C16orf74: variants seen among roughly 807,000 people sequenced by gnomAD.
The protein encoded by C16orf74 is uncharacterized protein C16orf74.
Under a neutral mutation model 6.5 loss-of-function variants are expected in C16orf74, and 10 were observed. That is an observed-to-expected ratio of 1.54 (90% CI 0.95 to 2.61). The LOEUF (loss-of-function observed/expected upper bound fraction) is 2.61. C16orf74 is among the 30% of genes most tolerant of loss of function. The probability of loss-of-function intolerance (pLI) is 0.00; values close to 1 mark genes in which losing one functional copy is unlikely to be tolerated. For synonymous variants in C16orf74, 60 were observed against 42.5 expected (o/e 1.41, Z -1.60); for missense variants, 141 against 105.9 (o/e 1.33, Z -1.45).
At chr16:85,736,291 G>A (rs2054243942) in intron 1 of C16orf74, among the ~76,000 whole-genome samples, 1 of 152,142 alleles carries the variant, frequency 6.6e-6, no homozygotes, top group Non-Finnish European at 1.5e-5. Context: ...GAGACCCCAG[G>A]CCTGGCCCTC....
intron 1 of C16orf74, among the ~76,000 whole-genome samples, chr16:85,747,499 A>G (rs1231059112): frequency 1.3e-5 from 2 of 152,088 alleles, no homozygotes; most frequent in African/African-American, 4.8e-5. Flanking sequence ...ACGGCTACCC[A>G]TAGGGAAACC....
At chr16:85,735,049 C>G (rs952650532) in intron 2 of C16orf74, 141 bp downstream of exon 2, 11 of 551,812 alleles carry the variant, frequency 2.0e-5, no homozygotes, top group Non-Finnish European at 3.0e-5. Flanking sequence ...TTTAGAGCAC[C>G]TGCTGTGTAC....
At chr16:85,732,288 T>C (rs1015181830) in intron 2 of C16orf74, among the ~76,000 whole-genome samples, 1 of 152,224 alleles carries the variant, frequency 6.6e-6, no homozygotes, top group African/African-American at 2.4e-5. Context: ...AGCCACCTAG[T>C]TTGGGGTCAT....
In C16orf74 at chr16:85,707,932, C is replaced by A. The variant is rs763126441; in HGVS notation, c.*76G>T. On this transcript the variant is annotated 3_prime_UTR_variant, in exon 4 of 4. Coordinates refer to ENST00000284245, the MANE Select transcript of C16orf74 (RefSeq NM_206967.3). ...TCCAGGGTATTCAGCACACCTGCTC[C>A]AGGCAGCCACGCCCCCGGACACCTG... 3.2e-5 allele frequency: 43 copies of A among 1,324,174 alleles called. No individual in the cohort carries two copies. The highest frequency in any genetic ancestry group is 4.4e-5 in the Non-Finnish European group (42 of 947,652). The allele number at this position is 1,324,174 out of a possible 1,614,324, so 82.0% of individuals were successfully genotyped here.
intron 1 of C16orf74, among the ~76,000 whole-genome samples, 194 bp from the exon 2 acceptor site, chr16:85,735,429 C>T (rs1052364909): frequency 2.0e-5 from 3 of 152,256 alleles, no homozygotes; most frequent in East Asian, 1.9e-4. Flanking sequence ...GAGTCTGTGA[C>T]GGTGGAAAAA....
intron 2 of C16orf74, among the ~76,000 whole-genome samples, chr16:85,712,288 C>A (rs1276153942): frequency 6.6e-6 from 1 of 152,202 alleles, no homozygotes; most frequent in African/African-American, 2.4e-5. Context: ...ATAAGCCACT[C>A]CTCAATTCCT....
chr16:85,721,322 TGCG>T (rs1036945949), intron 2 of C16orf74, among the ~76,000 whole-genome samples: 5 of 151,362 alleles, frequency 3.3e-5, no homozygotes, highest in African/African-American at 1.2e-4. Context: ...GGTCATTCTC[TGCG>T]GTGGGGCTGT....
chr16:85,718,172 C>T (rs867385175), intron 2 of C16orf74, among the ~76,000 whole-genome samples: 20 of 152,188 alleles, frequency 1.3e-4, no homozygotes, highest in African/African-American at 4.3e-4. Context: ...CTGGCTCAAG[C>T]GATTCTCCCA....
At chr16:85,720,389 G>A (rs1243129748) in intron 2 of C16orf74, among the ~76,000 whole-genome samples, 3 of 152,098 alleles carry the variant, frequency 2.0e-5, no homozygotes, top group East Asian at 1.9e-4. Flanking sequence ...CAGTTCCCGT[G>A]GTCTGTTCCT....
At chr16:85,711,068 C>T (rs1340364743) in intron 2 of C16orf74, among the ~76,000 whole-genome samples, 1 of 152,146 alleles carries the variant, frequency 6.6e-6, no homozygotes, top group Admixed American at 6.5e-5. Context: ...AATGCCAGCA[C>T]TTTCGGAGGC....
At chr16:85,714,927 C>T (rs1375526404) in intron 2 of C16orf74, among the ~76,000 whole-genome samples, 15 of 151,128 alleles carry the variant, frequency 9.9e-5, no homozygotes, top group South Asian at 4.2e-4. Context: ...GAGGCCGAGG[C>T]GGGCGGATCA....
intron 1 of C16orf74, among the ~76,000 whole-genome samples, chr16:85,747,465 G>T (rs181925878): frequency 6.6e-6 from 1 of 151,696 alleles, no homozygotes; most frequent in Non-Finnish European, 1.5e-5. Context: ...AAATAAAAGG[G>T]GTCTGCTATT....
intron 1 of C16orf74, among the ~76,000 whole-genome samples, chr16:85,747,886 G>A (rs972675822): frequency 1.3e-5 from 2 of 151,952 alleles, no homozygotes; most frequent in African/African-American, 4.8e-5. Context: ...AGCAGTTCAA[G>A]ACCAGCCTGG....
rs747227433 is a variant in C16orf74, at chr16:85,708,012, G to C, written c.227C>G (p.Ala76Gly). 7 of 1,552,502 alleles carry C rather than the reference G, an allele frequency of 4.5e-6. No homozygotes were observed. The highest frequency in any genetic ancestry group is 1.4e-5 in the African/African-American group (1 of 73,092). ...CPDDGEIDPEA is the reference protein window; with the variant it reads ...CPDDGEIDPEG Reference sequence around the variant, plus strand: ...AGCCAAACCCAGGACACCTCCTCAGGCTTCTGGGTCGATTTCTCCATCATC... The same window carrying C: ...AGCCAAACCCAGGACACCTCCTCAGCCTTCTGGGTCGATTTCTCCATCATC... The change falls in exon 4 of 4, where the codon GCC becomes GGC. Residue 76 changes from alanine to glycine, a missense_variant. Transcript: ENST00000284245.
intron 2 of C16orf74, among the ~76,000 whole-genome samples, chr16:85,733,056 T>C (rs1456149253): frequency 1.3e-5 from 2 of 152,196 alleles, no homozygotes; most frequent in East Asian, 3.9e-4. Context: ...GTCCCGGCCT[T>C]GGGCTGGAAG....
At chr16:85,739,333 C>A (rs1006322578) in intron 1 of C16orf74, among the ~76,000 whole-genome samples, 1 of 152,200 alleles carries the variant, frequency 6.6e-6, no homozygotes, top group Non-Finnish European at 1.5e-5. Context: ...TCCCTTTTAT[C>A]CTGTCTTTGT....
intron 1 of C16orf74, among the ~76,000 whole-genome samples, chr16:85,749,346 C>T (rs1442046092): frequency 2.0e-5 from 3 of 152,108 alleles, no homozygotes; most frequent in South Asian, 2.1e-4. Flanking sequence ...AATGCAGTGG[C>T]GTGATCATAG....
At chr16:85,744,581 A>G (rs551436678) in intron 1 of C16orf74, among the ~76,000 whole-genome samples, 2 of 152,322 alleles carry the variant, frequency 1.3e-5, no homozygotes, top group South Asian at 4.1e-4. Flanking sequence ...CTGAAATCCC[A>G]GCACTTTGGG....
At chr16:85,741,630 T>C (rs1402691803) in intron 1 of C16orf74, 4 of 170,478 alleles carry the variant, frequency 2.3e-5, no homozygotes, top group Middle Eastern at 5.1e-4. Context: ...CTTGCCCTCA[T>C]TGTCATCCTG....
Sources: allele counts gnomAD v4.1 joint callset (sites outside exome capture counted in the v4.1 genomes callset), GRCh38; gene constraint gnomAD v4.1.1; transcripts MANE v1.5; gene names NCBI Gene and HGNC (gene_info 2026-07-23, HGNC 2026-07-21).